Variants in UBE3A observed in about 807,000 individuals in gnomAD.
The protein encoded by UBE3A is ubiquitin protein ligase E3A, also known as ubiquitin-protein ligase E3A.
Under a neutral mutation model 83.4 loss-of-function variants are expected in UBE3A, and 6 were observed. That is an observed-to-expected ratio of 0.07 (90% CI 0.04 to 0.14). UBE3A has a LOEUF of 0.14. UBE3A is among the 10% of genes least tolerant of loss of function. The pLI, the probability that UBE3A is intolerant of heterozygous loss-of-function variation, is 1.00. For synonymous variants in UBE3A, 337 were observed against 355.4 expected (o/e 0.95, Z 0.58); for missense variants, 456 against 1,036.1 (o/e 0.44, Z 7.69).
intron 1 of UBE3A, among the ~76,000 whole-genome samples, chr15:25,434,969 TACACACACACACAC>T (rs55856025): frequency 0.012 from 1,759 of 142,948 alleles, 41 homozygotes; most frequent in African/African-American, 0.038. Context: ...TCTATATACA[TACACACACACACAC>T]ACACACACAC....
chr15:25,356,364 G>A (rs987865813), intron 8 of UBE3A, among the ~76,000 whole-genome samples: 2 of 151,988 alleles, frequency 1.3e-5, no homozygotes, highest in African/African-American at 2.4e-5. Context: ...AGGCACACTC[G>A]TTGTAACTAC....
chr15:25,354,073 G>A, intron 11 of UBE3A: 2 of 485,546 alleles, frequency 4.1e-6, no homozygotes, highest in South Asian at 2.5e-5. Flanking sequence ...CTTCTAACCA[G>A]CAGTAAGCAT....
intron 4 of UBE3A, among the ~76,000 whole-genome samples, chr15:25,385,473 A>G (rs1881299457): frequency 1.3e-5 from 2 of 152,152 alleles, no homozygotes; most frequent in Admixed American, 1.3e-4. Flanking sequence ...GAGAAACTGG[A>G]ACCCTTATGC....
In UBE3A at chr15:25,375,846, T is replaced by C. The variant is rs1302131519; in HGVS notation, c.63-83A>G. 6 of 1,526,540 alleles carry C rather than the reference T, an allele frequency of 3.9e-6. No homozygotes were observed. The African/African-American group carries it at 6.8e-5, about 17-fold the overall frequency. 94.6% of individuals were successfully genotyped at this position (1,526,540 alleles called of 1,614,324 possible). On this transcript the variant is annotated intron_variant, in intron 4 of 12. Transcript: ENST00000648336. ...CTCAACATATCATCAAGGCAAAAGT[T>C]AGTCAAGCACTGAAGTGATTAACCT...
In UBE3A at chr15:25,340,588, A is replaced by G. The variant is rs564806394; in HGVS notation, c.2355-360T>C. ...TATGAATTGAAAAAGACTGAAATGA[A>G]TATTTGGAAAAATTAACTCCAGGTG... is the stretch of plus-strand genomic sequence containing the variant. On this transcript the variant is annotated intron_variant, in intron 11 of 12. Transcript: ENST00000648336. Among the ~76,000 whole-genome samples the G allele has an allele frequency of 3.8e-4, 58 of 152,238 alleles. 1 individual carries two copies. The highest frequency in any genetic ancestry group is 1.3e-3 in the African/African-American group (56 of 41,550).
chr15:25,418,232 A>G (rs975282145), intron 1 of UBE3A: 3 of 152,208 alleles, frequency 2.0e-5, no homozygotes, highest in Non-Finnish European at 2.9e-5. Flanking sequence ...CATGCGGCAC[A>G]TGACTGTATA....
chr15:25,364,928 G>T (rs990867360), intron 6 of UBE3A, among the ~76,000 whole-genome samples: 1 of 151,762 alleles, frequency 6.6e-6, no homozygotes, highest in Non-Finnish European at 1.5e-5. Context: ...TTACAGGTGT[G>T]AGCCACCGCG....
intron 4 of UBE3A, among the ~76,000 whole-genome samples, chr15:25,398,186 A>C (rs2086032789): frequency 6.6e-6 from 1 of 150,996 alleles, no homozygotes. Context: ...AAAAAAAAAA[A>C]AAAAACACAA....
chr15:25,429,079 C>T (rs539790290), intron 1 of UBE3A, among the ~76,000 whole-genome samples: 2 of 152,166 alleles, frequency 1.3e-5, no homozygotes, highest in South Asian at 4.2e-4. Flanking sequence ...AAACTTGATA[C>T]TGAGTTTAAA....
At chr15:25,406,911 T>C (rs930363108) in intron 3 of UBE3A, among the ~76,000 whole-genome samples, 3 of 151,098 alleles carry the variant, frequency 2.0e-5, no homozygotes, top group Admixed American at 6.6e-5. Context: ...TAGATCTTCT[T>C]TGCAATGTAT....
At chr15:25,398,816 A>ATATATCTATAT (rs1567069211) in intron 4 of UBE3A, among the ~76,000 whole-genome samples, 1 of 40,828 alleles carries the variant, frequency 2.4e-5, no homozygotes, top group African/African-American at 6.4e-5. Context: ...TATATATATA[A>ATATATCTATAT]AAATACATAT....
chr15:25,382,958 C>A (rs1459626455), intron 4 of UBE3A, among the ~76,000 whole-genome samples: 1 of 151,964 alleles, frequency 6.6e-6, no homozygotes, highest in Non-Finnish European at 1.5e-5. Flanking sequence ...TCCAACAACG[C>A]CAGGGCTTCA....
At chr15:25,406,953 A>G in intron 3 of UBE3A, 1 of 488,054 alleles carries the variant, frequency 2.0e-6, no homozygotes, top group Non-Finnish European at 2.9e-6. Context: ...AAATTACATA[A>G]CAACTAAAAA....
At chr15:25,401,191 T>C (rs1362317171) in intron 4 of UBE3A, among the ~76,000 whole-genome samples, 1 of 152,196 alleles carries the variant, frequency 6.6e-6, no homozygotes, top group Non-Finnish European at 1.5e-5. Context: ...ATCCTTCTAA[T>C]ACACTGTTGA....
At chr15:25,376,315 A>C (rs2081211745) in intron 4 of UBE3A, among the ~76,000 whole-genome samples, 1 of 152,172 alleles carries the variant, frequency 6.6e-6, no homozygotes, top group South Asian at 2.1e-4. Context: ...TAAATTTGTA[A>C]GTGGAATATC....
Position 25,370,462 on chromosome 15 carries a change from T to C in UBE3A, c.1608+104A>G, listed in dbSNP as rs937333883. ...AAGATCAGAAATGTCCATGTGTTCC[T>C]ATGCTATATGGTATCATTTTTTTCA... On this transcript the variant is annotated intron_variant, in intron 6 of 12. Coordinates refer to ENST00000648336, the MANE Select transcript of UBE3A (RefSeq NM_130839.5). The surrounding 1 kb of genome is among the most constrained non-coding windows in gnomAD (Gnocchi z 4.2). 1.7e-5 allele frequency: 23 copies of C among 1,344,544 alleles called. No individual in the cohort carries two copies. The highest frequency in any genetic ancestry group is 2.3e-5 in the Non-Finnish European group (22 of 936,298). 83.3% of individuals were successfully genotyped at this position (1,344,544 alleles called of 1,614,324 possible).
chr15:25,407,168 C>G, intron 3 of UBE3A: 1 of 1,346,036 alleles, frequency 7.4e-7, no homozygotes, highest in Non-Finnish European at 9.8e-7. Flanking sequence ...CATGTACCAG[C>G]TGACTCATTT....
At chr15:25,401,196 T>G (rs2086991655) in intron 4 of UBE3A, among the ~76,000 whole-genome samples, 1 of 152,192 alleles carries the variant, frequency 6.6e-6, no homozygotes, top group African/African-American at 2.4e-5. Flanking sequence ...TCTAATACAC[T>G]GTTGAATTTA....
chr15:25,341,366 T>C (rs1283159802), intron 11 of UBE3A, among the ~76,000 whole-genome samples: 1 of 151,746 alleles, frequency 6.6e-6, no homozygotes, highest in Non-Finnish European at 1.5e-5. Context: ...CCACCGCGCC[T>C]GGCCTATAGC....
Sources: allele counts gnomAD v4.1 joint callset (sites outside exome capture counted in the v4.1 genomes callset), GRCh38; gene constraint gnomAD v4.1.1; non-coding constraint Gnocchi (gnomAD v3.1); transcripts MANE v1.5; gene names NCBI Gene and HGNC (gene_info 2026-07-23, HGNC 2026-07-21).